Variants in WDFY3 observed in about 807,000 individuals in gnomAD.
The protein encoded by WDFY3 is WD repeat and FYVE domain-containing protein 3.
WDFY3 carries 66 observed loss-of-function variants against 409.6 expected under a neutral mutation model. The observed-to-expected ratio is 0.16, with a 90% CI of 0.13 to 0.20. WDFY3 has a LOEUF of 0.20. Among genes scored for constraint, WDFY3 ranks in the 10% least tolerant of loss-of-function variants. The pLI, the probability that WDFY3 is intolerant of heterozygous loss-of-function variation, is 1.00. For synonymous variants in WDFY3, 1,521 were observed against 1,537.1 expected, an observed-to-expected ratio of 0.99 and a Z score of 0.25; for missense variants, 3,031 against 4,298.1, an observed-to-expected ratio of 0.71 and a Z score of 8.24.
intron 3 of WDFY3, among the ~76,000 whole-genome samples, chr4:84,867,249 A>G (rs1267427842): frequency 2.0e-5 from 3 of 152,224 alleles, no homozygotes; most frequent in African/African-American, 7.2e-5. Context: ...AGGAAATACT[A>G]TAAGCCCCTA....
At chr4:84,812,829 A>G (rs1752721548) in intron 13 of WDFY3, among the ~76,000 whole-genome samples, 1 of 152,170 alleles carries the variant, frequency 6.6e-6, no homozygotes, top group Non-Finnish European at 1.5e-5. Flanking sequence ...TATCCCAAGC[A>G]CAATCTCAGT....
At chr4:84,938,096 C>T (rs1232339344) in intron 1 of WDFY3, among the ~76,000 whole-genome samples, 1 of 152,134 alleles carries the variant, frequency 6.6e-6, no homozygotes, top group Non-Finnish European at 1.5e-5. Flanking sequence ...TGTCTATGTC[C>T]TTCCATGAAA....
chr4:84,781,834 TA>T, intron 25 of WDFY3, among the ~76,000 whole-genome samples: 1 of 152,038 alleles, frequency 6.6e-6, no homozygotes, highest in Middle Eastern at 3.4e-3. Flanking sequence ...TGCTTTAGAG[TA>T]AAGAAAATTT....
chr4:84,848,733 G>A (rs1440439325), intron 5 of WDFY3, among the ~76,000 whole-genome samples: 1 of 152,164 alleles, frequency 6.6e-6, no homozygotes, highest in African/African-American at 2.4e-5. Flanking sequence ...GAGAGGAGGA[G>A]ACAGAAGTAT....
At chr4:84,821,682 CA>C in intron 10 of WDFY3, 131 bp from the exon 11 acceptor site, 1 of 756,434 alleles carries the variant, frequency 1.3e-6, no homozygotes, top group Non-Finnish European at 2.0e-6. Flanking sequence ...CCTGTTTTCA[CA>C]AAAGGTCTTA....
rs1400499884 is a variant in WDFY3 at position 84,760,199 on chromosome 4, G to A, written c.5189-3038C>T. 6.6e-5 allele frequency among the ~76,000 whole-genome samples: 10 copies of A among 151,966 alleles called. No homozygotes were observed. In the South Asian group the frequency reaches 1.2e-3, roughly 19 times the overall value. On this transcript the variant is annotated intron_variant, in intron 32 of 67. Coordinates refer to ENST00000295888, the MANE Select transcript of WDFY3 (RefSeq NM_014991.6). ...AGCTTTTTGATGTGCTGCTGGATTCGGTTTGCCAGTATTTTATTGAGGATT... is the reference window on the plus strand; with the variant it reads ...AGCTTTTTGATGTGCTGCTGGATTCAGTTTGCCAGTATTTTATTGAGGATT...
At chr4:84,942,483 C>T (rs1040381330) in intron 1 of WDFY3, among the ~76,000 whole-genome samples, 20 of 152,148 alleles carry the variant, frequency 1.3e-4, no homozygotes, top group Non-Finnish European at 1.5e-5. Flanking sequence ...CTGCTATGAA[C>T]ATTAGCCTTT....
intron 21 of WDFY3, among the ~76,000 whole-genome samples, chr4:84,793,275 C>G (rs1325216595): frequency 6.6e-6 from 1 of 151,978 alleles, no homozygotes; most frequent in Admixed American, 6.6e-5. Flanking sequence ...TGGGCTTCAC[C>G]AATCCTACAC....
rs925749472 is a variant in WDFY3, at chr4:84,678,276, T to A, written c.10151A>T (p.Tyr3384Phe). ...VRNYSRLKPG[Y>F]RWERQLVFRS... The stretch of plus-strand genomic sequence containing the variant: ...GAACACCAGCTGCCGTTCCCATCGG[T>A]ACCCTGGAATGGAGAAGTGGAGGAC... Residue 3384 changes from tyrosine to phenylalanine, a missense_variant, in exon 66 of 68, where the codon TAC (tyrosine) becomes TTC (phenylalanine). Transcript: ENST00000295888. 6.2e-7 allele frequency: 1 copy of A among 1,612,214 alleles called. No homozygotes were observed. Among genetic ancestry groups the A allele is most frequent in the Non-Finnish European group, 8.5e-7 (1 of 1,178,380 alleles).
chr4:84,817,070 A>G (rs955590500), intron 13 of WDFY3, among the ~76,000 whole-genome samples: 1 of 152,214 alleles, frequency 6.6e-6, no homozygotes, highest in African/African-American at 2.4e-5. Flanking sequence ...TCACAGATGC[A>G]TAACACTATG....
chr4:84,727,061 C>T lies in WDFY3; in HGVS notation c.7222-150G>A, dbSNP rs1056724728. ...TGATAGCCTAAGCAGCTTAAATAAT[C>T]ACTAAGCATCTTGTGGTTACTGTCT... On this transcript the variant is annotated intron_variant, in intron 44 of 67. Coordinates refer to ENST00000295888, the MANE Select transcript of WDFY3 (RefSeq NM_014991.6). 4 of 657,914 alleles carry T rather than the reference C, an allele frequency of 6.1e-6. No homozygotes were observed. In the Admixed American group the frequency reaches 9.9e-5, roughly 16 times the overall value. 40.8% of individuals were successfully genotyped at this position (657,914 alleles called of 1,614,324 possible). A position where few individuals can be genotyped will look rare whatever the true frequency, so the allele number is the denominator to read the frequency against.
chr4:84,809,912 T>C lies in WDFY3; in HGVS notation c.2320A>G (p.Lys774Glu). Reference protein sequence around the residue: ...HCSKLFIYLYKVATDSFDSRA... With the variant: ...HCSKLFIYLYEVATDSFDSRA... ...CTGTCAAAAGAATCTGTGGCTACTT[T>C]GTAAAGATAAATAAAAAGTTTACTG... The change falls in exon 14 of 68, where the codon AAA becomes GAA. Residue 774 changes from lysine (K) to glutamate (E), a missense_variant. Physicochemically the swap from Lys to Glu is moderately conservative, Grantham distance 56. Coordinates refer to ENST00000295888, the MANE Select transcript of WDFY3 (RefSeq NM_014991.6). 1 of 1,614,096 alleles carries C rather than the reference T, an allele frequency of 6.2e-7. No individual in the cohort carries two copies. The highest frequency in any genetic ancestry group is 8.5e-7 in the Non-Finnish European group (1 of 1,179,968).
intron 39 of WDFY3, among the ~76,000 whole-genome samples, chr4:84,739,719 T>C (rs1052892121): frequency 1.3e-5 from 2 of 152,180 alleles, no homozygotes; most frequent in Non-Finnish European, 2.9e-5. Context: ...TGCTTAGCTG[T>C]TTCCCCTCAA....
chr4:84,715,529 C>T (rs1474084956), intron 49 of WDFY3, 146 bp from the exon 50 acceptor site: 4 of 482,818 alleles, frequency 8.3e-6, no homozygotes, highest in Non-Finnish European at 1.5e-5. Context: ...AATCCCAGCA[C>T]TTTGGGAGGC....
rs531950159 is a variant in WDFY3 at position 84,822,725 on chromosome 4, C to A, written c.1124-1174G>T. On this transcript the variant is annotated intron_variant, in intron 10 of 67. Transcript: ENST00000295888. ...CAATCCTGTCTGTAAAATAAACAAA[C>A]AAACAAACAAAAAAGAATGCTCAGA... 2.0e-5 allele frequency among the ~76,000 whole-genome samples: 3 copies of A among 152,140 alleles called. No individual in the cohort carries two copies. In the East Asian group the frequency reaches 5.8e-4, roughly 29 times the overall value.
At chr4:84,960,140 G>A (rs1369618051) in intron 1 of WDFY3, among the ~76,000 whole-genome samples, 2 of 152,026 alleles carry the variant, frequency 1.3e-5, no homozygotes, top group Non-Finnish European at 2.9e-5. Context: ...ATAAATGTAG[G>A]CTTTAGAGGC....
intron 32 of WDFY3, 138 bp from the exon 33 acceptor site, chr4:84,757,299 C>T (rs1012564997): frequency 1.7e-5 from 13 of 745,636 alleles, no homozygotes; most frequent in Non-Finnish European, 2.8e-5. Context: ...ATTAAGTATT[C>T]AACTGTTGAA....
intron 51 of WDFY3, among the ~76,000 whole-genome samples, chr4:84,710,730 T>C (rs762672352): frequency 1.3e-5 from 2 of 152,216 alleles, no homozygotes; most frequent in African/African-American, 4.8e-5. Flanking sequence ...TTTAAAGTTC[T>C]TTAAGAACTG....
chr4:84,709,090 A>C, intron 52 of WDFY3, 62 bp from the exon 53 acceptor site: 1 of 1,585,580 alleles, frequency 6.3e-7, no homozygotes, highest in Admixed American at 1.8e-5. Context: ...TCAGCTTTTA[A>C]AATTTTATAT....
Sources: gnomAD v4.1 joint callset for allele counts (sites outside exome capture counted in the v4.1 genomes callset) on GRCh38, gnomAD v4.1.1 for gene constraint, MANE v1.5 for transcripts, NCBI Gene and HGNC (gene_info 2026-07-23, HGNC 2026-07-21) for gene names.